Variants in ADK observed in about 807,000 individuals in gnomAD.
ADK encodes the protein N6,N6-dimethyladenosine kinase.
A neutral mutation model predicts 44.7 loss-of-function variants in ADK; 24 were observed. The observed-to-expected ratio is 0.54, with a 90% confidence interval of 0.39 to 0.76. ADK has a LOEUF of 0.76. Among genes scored for constraint, ADK ranks in the 30% least tolerant of loss-of-function variants. The pLI, the probability that ADK is intolerant of heterozygous loss-of-function variation, is 0.00. For missense variants in ADK, 321 were observed against 425.1 expected (o/e 0.76, Z 2.15); for synonymous variants, 128 against 142.6 (o/e 0.90, Z 0.73).
At chr10:74,480,883 T>G (rs1485698850) in intron 6 of ADK, among the ~76,000 whole-genome samples, 1 of 152,198 alleles carries the variant, frequency 6.6e-6, no homozygotes, top group Non-Finnish European at 1.5e-5. Context: ...TAGACTATAT[T>G]TTAAATATAC....
At chr10:74,570,340 A>G (rs1302487303) in intron 7 of ADK, among the ~76,000 whole-genome samples, 1 of 152,212 alleles carries the variant, frequency 6.6e-6, no homozygotes, top group Non-Finnish European at 1.5e-5. Flanking sequence ...TGGGGATGGC[A>G]TTGAATCTAT....
intron 3 of ADK, among the ~76,000 whole-genome samples, chr10:74,239,835 G>A (rs1332889207): frequency 6.6e-6 from 1 of 151,444 alleles, no homozygotes; most frequent in East Asian, 1.9e-4. Context: ...TAGTATATTA[G>A]TGGGTATAAT....
At chr10:74,594,335 T>TA (rs575837763) in intron 8 of ADK, among the ~76,000 whole-genome samples, 107 of 150,164 alleles carry the variant, frequency 7.1e-4, no homozygotes, top group African/African-American at 2.6e-3. Flanking sequence ...AAAGTATGAT[T>TA]AAAAAAAATT....
At chr10:74,457,757 T>C (rs918700870) in intron 6 of ADK, among the ~76,000 whole-genome samples, 4 of 152,084 alleles carry the variant, frequency 2.6e-5, no homozygotes, top group Admixed American at 1.3e-4. Flanking sequence ...CTCAGTAAAC[T>C]AACACAAGAA....
intron 10 of ADK, among the ~76,000 whole-genome samples, chr10:74,701,900 T>C (rs976902374): frequency 6.6e-6 from 1 of 152,064 alleles, no homozygotes; most frequent in African/African-American, 2.4e-5. Flanking sequence ...GCTGAGATCG[T>C]ACCACTGCAC....
intron 4 of ADK, among the ~76,000 whole-genome samples, chr10:74,378,917 A>G (rs937073315): frequency 1.3e-5 from 2 of 152,162 alleles, no homozygotes; most frequent in African/African-American, 4.8e-5. Flanking sequence ...CCTGGACAAC[A>G]TAGCAAGATC....
At chr10:74,615,920 G>C (rs1852740254) in intron 9 of ADK, among the ~76,000 whole-genome samples, 1 of 152,034 alleles carries the variant, frequency 6.6e-6, no homozygotes, top group South Asian at 2.1e-4. Context: ...TGTTGGCCAG[G>C]CTGGTCTTGA....
chr10:74,340,594 A>G (rs1401539180), intron 4 of ADK, among the ~76,000 whole-genome samples: 1 of 152,160 alleles, frequency 6.6e-6, no homozygotes, highest in African/African-American at 2.4e-5. Flanking sequence ...TTCAGTGTAT[A>G]TATATTATGT....
At chr10:74,687,500 C>T (rs540850695) in intron 10 of ADK, among the ~76,000 whole-genome samples, 11 of 152,316 alleles carry the variant, frequency 7.2e-5, no homozygotes, top group African/African-American at 2.6e-4. Flanking sequence ...GTTGAATTTA[C>T]GTGCACAAAA....
chr10:74,326,541 G>A (rs1018084300), intron 4 of ADK, among the ~76,000 whole-genome samples: 1 of 152,086 alleles, frequency 6.6e-6, no homozygotes, highest in Non-Finnish European at 1.5e-5. Context: ...AGCTTAGGAG[G>A]TGGAGGCTGC....
At chr10:74,634,742 C>T (rs1022970440) in intron 9 of ADK, among the ~76,000 whole-genome samples, 92 of 151,882 alleles carry the variant, frequency 6.1e-4, no homozygotes, top group African/African-American at 2.2e-3. Context: ...GTCAGGAGTT[C>T]GAGACCAGTC....
intron 7 of ADK, among the ~76,000 whole-genome samples, chr10:74,562,605 A>G (rs1038631808): frequency 6.6e-6 from 1 of 152,244 alleles, no homozygotes; most frequent in Non-Finnish European, 1.5e-5. Flanking sequence ...TATGATATAC[A>G]TATAAAAGAA....
At position 74,356,002 on chromosome 10, in the gene ADK, A is replaced by ATATTGGTTTTTTT. The variant is rs57958159; in HGVS notation, c.274-38138_274-38137insATTGGTTTTTTTT. 3.1e-4 allele frequency among the ~76,000 whole-genome samples: 26 copies of ATATTGGTTTTTTT among 83,300 alleles called. 3 individuals are homozygous for ATATTGGTTTTTTT. The highest frequency in any genetic ancestry group is 6.1e-4 in the African/African-American group (12 of 19,612). 54.6% of individuals were successfully genotyped at this position (83,300 alleles called of 152,430 possible). On this transcript the variant is annotated intron_variant, in intron 4 of 10. Coordinates refer to ENST00000539909, the MANE Select transcript of ADK (RefSeq NM_006721.4). ...TCTGAAATATTTCACTAAATAATTC[A>ATATTGGTTTTTTT]TTTTTTTTTTTTTTTTTTTTTTTTT...
At chr10:74,352,821 C>G (rs1029391171) in intron 4 of ADK, among the ~76,000 whole-genome samples, 2 of 152,326 alleles carry the variant, frequency 1.3e-5, no homozygotes, top group Non-Finnish European at 1.5e-5. Context: ...AATTGCTCAT[C>G]ATCATTGGTC....
At chr10:74,506,283 T>G (rs1848072227) in intron 6 of ADK, 1 of 230,132 alleles carries the variant, frequency 4.3e-6, no homozygotes, top group South Asian at 5.7e-5. Flanking sequence ...ACTGGATTCA[T>G]CTATCTTGAA....
rs548133154 is a variant in ADK at position 74,279,838 on chromosome 10, C to T, written c.195-34829C>T. ...CTTGAAACCAGGAATTTGAGATCAGCCCAGGCAATGTAGGGAGACCCCGTC... is the reference window on the plus strand; with the variant it reads ...CTTGAAACCAGGAATTTGAGATCAGTCCAGGCAATGTAGGGAGACCCCGTC... On this transcript the variant is annotated intron_variant, in intron 3 of 10. Transcript: ENST00000539909. Among the ~76,000 whole-genome samples the T allele has an allele frequency of 2.6e-5, 4 of 151,918 alleles. No individual in the cohort carries two copies. In the South Asian group the frequency reaches 8.3e-4, roughly 32 times the overall value.
intron 9 of ADK, among the ~76,000 whole-genome samples, chr10:74,614,803 G>GA (rs968820021): frequency 7.2e-5 from 11 of 152,130 alleles, no homozygotes; most frequent in African/African-American, 2.7e-4. Context: ...ATGGTTTTTA[G>GA]AAACCTGTAA....
chr10:74,454,934 G>A (rs1330519382), intron 6 of ADK, among the ~76,000 whole-genome samples: 1 of 152,028 alleles, frequency 6.6e-6, no homozygotes, highest in Non-Finnish European at 1.5e-5. Context: ...TTAAGGGAAA[G>A]GTCAAAAAAC....
intron 4 of ADK, among the ~76,000 whole-genome samples, chr10:74,345,590 G>A (rs183240004): frequency 1.3e-4 from 20 of 152,202 alleles, no homozygotes; most frequent in Admixed American, 2.6e-4. Flanking sequence ...TTACAGATGT[G>A]AGCCACCACA....
Sources: gnomAD v4.1 joint callset for allele counts (sites outside exome capture counted in the v4.1 genomes callset) on GRCh38, gnomAD v4.1.1 for gene constraint, MANE v1.5 for transcripts, NCBI Gene and HGNC (gene_info 2026-07-23, HGNC 2026-07-21) for gene names.